The following CFAP43 variants were observed in gnomAD, a reference collection of about 807,000 sequenced individuals.
The protein encoded by CFAP43 is cilia and flagella associated protein 43.
In CFAP43, 155 loss-of-function variants were observed where a neutral mutation model predicts 218.9. The observed-to-expected ratio is 0.71, with a 90% confidence interval of 0.62 to 0.81. The LOEUF is 0.81. Ranked by LOEUF, CFAP43 falls within the 30% of genes least tolerant of loss-of-function variation. The pLI is 0.00. For synonymous variants in CFAP43, 645 were observed against 681.3 expected, an observed-to-expected ratio of 0.95 and a Z score of 0.83; for missense variants, 1,778 against 1,954.3, an observed-to-expected ratio of 0.91 and a Z score of 1.70.
At chr10:104,223,034 G>C (rs10883985) in intron 3 of CFAP43, among the ~76,000 whole-genome samples, 7,716 of 152,226 alleles carry the variant, frequency 0.051, 247 homozygotes, top group South Asian at 0.13. Context: ...TAGAGCAAAA[G>C]CAGCCATAGA....
intron 3 of CFAP43, among the ~76,000 whole-genome samples, chr10:104,221,417 G>A (rs1223539625): frequency 6.6e-6 from 1 of 152,166 alleles, no homozygotes; most frequent in Non-Finnish European, 1.5e-5. Context: ...ATCAGGTCAA[G>A]GGTGCAGAGC....
intron 19 of CFAP43, 90 bp downstream of exon 19, chr10:104,178,939 A>G (rs1438464978): frequency 4.4e-6 from 4 of 905,976 alleles, no homozygotes; most frequent in Non-Finnish European, 6.6e-6. Context: ...AAAGGGAGGT[A>G]TAGTTCCTCA....
intron 8 of CFAP43, among the ~76,000 whole-genome samples, chr10:104,200,185 T>C (rs1288700664): frequency 6.6e-6 from 1 of 152,206 alleles, no homozygotes; most frequent in Non-Finnish European, 1.5e-5. Context: ...CACTTGCACA[T>C]AGACATATAG....
intron 19 of CFAP43, among the ~76,000 whole-genome samples, chr10:104,175,906 T>G (rs1321934816): frequency 6.6e-6 from 1 of 152,226 alleles, no homozygotes; most frequent in East Asian, 1.9e-4. Flanking sequence ...TACATACTTA[T>G]ATATATACTA....
intron 34 of CFAP43, among the ~76,000 whole-genome samples, chr10:104,135,083 CAATAT>C (rs1034743717): frequency 6.6e-6 from 1 of 151,686 alleles, no homozygotes; most frequent in Admixed American, 6.6e-5. Flanking sequence ...CACAATCAAA[CAATAT>C]AATATACCTC....
At chr10:104,229,062 G>C (rs879301242) in intron 2 of CFAP43, among the ~76,000 whole-genome samples, 3 of 152,052 alleles carry the variant, frequency 2.0e-5, no homozygotes, top group African/African-American at 4.8e-5. Context: ...AACCAACCTG[G>C]GGAAATTTTA....
At position 104,212,172 on chromosome 10, in the gene CFAP43, G is replaced by T. The variant is rs765154484; in HGVS notation, c.585-15C>A. 1 of 1,609,498 alleles carries T rather than the reference G, an allele frequency of 6.2e-7. No individual in the cohort carries two copies. Among genetic ancestry groups the T allele is most frequent in the East Asian group, 2.2e-5 (1 of 44,722 alleles). ...ATTTCACCGACCTGTAGACAAAAGA[G>T]GCATCAGAACAATGAGATGAACAGA... On this transcript the variant is annotated splice_polypyrimidine_tract_variant and intron_variant, in intron 4 of 37. Coordinates refer to ENST00000357060, the MANE Select transcript of CFAP43 (RefSeq NM_025145.7).
chr10:104,232,131 G>T, intron 1 of CFAP43, 51 bp downstream of exon 1: 2 of 1,573,892 alleles, frequency 1.3e-6, no homozygotes, highest in Non-Finnish European at 1.7e-6. Flanking sequence ...GGGACTTGGG[G>T]CAGGAGGTTC....
chr10:104,157,775 T>TGTGTGTGA (rs1484523345), intron 27 of CFAP43, among the ~76,000 whole-genome samples: 8 of 90,160 alleles, frequency 8.9e-5, no homozygotes, highest in African/African-American at 4.0e-4. Flanking sequence ...TGTGTGTGTG[T>TGTGTGTGA]GAGAGAGAGA....
chr10:104,225,160 C>T (rs1463311939), intron 3 of CFAP43, among the ~76,000 whole-genome samples: 2 of 151,978 alleles, frequency 1.3e-5, no homozygotes, highest in African/African-American at 4.8e-5. Context: ...CTCCAAGATG[C>T]CATTTGTTTT....
intron 7 of CFAP43, among the ~76,000 whole-genome samples, chr10:104,204,985 C>T (rs1009243093): frequency 8.6e-5 from 13 of 152,026 alleles, no homozygotes; most frequent in African/African-American, 2.7e-4. Flanking sequence ...GAGGCCCAGG[C>T]GGGCGGATCA....
At chr10:104,203,443 G>A (rs939045159) in intron 8 of CFAP43, 2 of 425,680 alleles carry the variant, frequency 4.7e-6, no homozygotes, top group Non-Finnish European at 8.2e-6. Flanking sequence ...CATCATGGTA[G>A]CTCTTTTATT....
intron 4 of CFAP43, among the ~76,000 whole-genome samples, chr10:104,213,085 C>A (rs1018865363): frequency 6.6e-6 from 1 of 152,070 alleles, no homozygotes; most frequent in Non-Finnish European, 1.5e-5. Context: ...GAGATATCAC[C>A]CACTTTTATT....
intron 2 of CFAP43, among the ~76,000 whole-genome samples, chr10:104,228,595 A>T (rs7069952): frequency 0.12 from 18,332 of 152,194 alleles, 2,212 homozygotes; most frequent in African/African-American, 0.32. Context: ...ATTACTTTCT[A>T]TGACAAATCT....
chr10:104,210,783 C>CTTTTTTTTTTT (rs68153454), intron 5 of CFAP43, among the ~76,000 whole-genome samples: 8 of 75,460 alleles, frequency 1.1e-4, no homozygotes, highest in Admixed American at 4.1e-4. Context: ...GTGAAACACT[C>CTTTTTTTTTTT]TTTTTTTTTT....
At chr10:104,191,793 G>GT (rs2090231905) in intron 12 of CFAP43, among the ~76,000 whole-genome samples, 1 of 43,116 alleles carries the variant, frequency 2.3e-5, no homozygotes, top group Non-Finnish European at 4.2e-5. Context: ...TGTGTGTGGG[G>GT]GGGGGGAAAC....
intron 32 of CFAP43, among the ~76,000 whole-genome samples, chr10:104,143,187 T>C (rs2087788139): frequency 6.6e-6 from 1 of 152,212 alleles, no homozygotes; most frequent in Non-Finnish European, 1.5e-5. Flanking sequence ...AAATGCATAA[T>C]AACCACTTGT....
chr10:104,143,509 T>C lies in CFAP43; in HGVS notation c.4075A>G (p.Ser1359Gly). 3 of 1,614,246 alleles carry C rather than the reference T, an allele frequency of 1.9e-6. No homozygotes were observed. Among genetic ancestry groups the C allele is most frequent in the Non-Finnish European group, 2.5e-6 (3 of 1,180,038 alleles). ...MKAMDELDNI[S>G]NMPEGLDPLV... ...GGGTCCAAGCCTTCTGGCATGTTAC[T>C]AATATTGTCCAACTCATCCATAGCT... Residue 1359 changes from serine to glycine, a missense_variant, in exon 32 of 38, where the codon AGT becomes GGT. This residue lies in a region of CFAP43 where 1,553 missense variants were observed against 1,685.2 expected (regional missense o/e 0.92). Transcript: ENST00000357060.
chr10:104,130,571 C>A (rs1005105647), intron 37 of CFAP43, among the ~76,000 whole-genome samples: 2 of 152,182 alleles, frequency 1.3e-5, no homozygotes, highest in Admixed American at 1.3e-4. Context: ...ATGTCCTTTG[C>A]AGCAACATGG....
Sources: gnomAD v4.1 joint callset for allele counts (sites outside exome capture counted in the v4.1 genomes callset) on GRCh38, gnomAD v4.1.1 for gene constraint, gnomAD v4.1.1 regional missense constraint, MANE v1.5 for transcripts, NCBI Gene and HGNC (gene_info 2026-07-23, HGNC 2026-07-21) for gene names.